CDC45: variants seen among roughly 807,000 people sequenced by gnomAD.
CDC45 encodes cell division cycle 45, also known as cell division control protein 45 homolog.
CDC45 carries 54 observed loss-of-function variants against 77.8 expected under a neutral mutation model. The observed-to-expected ratio is 0.69, with a 90% CI of 0.56 to 0.87. The LOEUF is 0.87. Ranked by LOEUF, CDC45 falls within the 40% of genes least tolerant of loss-of-function variation. The pLI, the probability that CDC45 is intolerant of heterozygous loss-of-function variation, is 0.00. For synonymous variants in CDC45, 260 were observed against 272.1 expected (o/e 0.96, Z 0.44); for missense variants, 649 against 721.6 (o/e 0.90, Z 1.15).
chr22:19,499,580 G>T (rs956493957), intron 9 of CDC45, among the ~76,000 whole-genome samples: 1 of 152,194 alleles, frequency 6.6e-6, no homozygotes, highest in African/African-American at 2.4e-5. Context: ...GACCCCAAAG[G>T]TAAGGGGAAG....
At chr22:19,490,829 C>CTT (rs1248793856) in intron 5 of CDC45, among the ~76,000 whole-genome samples, 24 of 137,290 alleles carry the variant, frequency 1.7e-4, no homozygotes, top group African/African-American at 4.5e-4. Flanking sequence ...ACCTTATCTT[C>CTT]TTTTTTTTTT....
At chr22:19,513,133 C>T (rs1038233148) in intron 13 of CDC45, among the ~76,000 whole-genome samples, 1 of 152,198 alleles carries the variant, frequency 6.6e-6, no homozygotes, top group Non-Finnish European at 1.5e-5. Flanking sequence ...CTAGACCCCA[C>T]CTCGAAGATC....
chr22:19,480,713 G>T (rs1182637517), intron 2 of CDC45, among the ~76,000 whole-genome samples: 1 of 152,138 alleles, frequency 6.6e-6, no homozygotes, highest in East Asian at 1.9e-4. Flanking sequence ...TTTTCAGAAG[G>T]CCTGGAAGTT....
Position 19,497,462 on chromosome 22 carries a change from C to T in CDC45, c.653+15C>T, listed in dbSNP as rs767674635. The T allele has an allele frequency of 9.3e-6, 15 of 1,611,226 alleles. No homozygotes were observed. The highest frequency in any genetic ancestry group is 4.0e-5 in the African/African-American group (3 of 74,870). On this transcript the variant is annotated intron_variant, in intron 8 of 18. Transcript: ENST00000263201. ...GACATGCTGTGGTACGTAGCCCCTGCGGCAGCTGTGTGGGAGTATTTGTTG... is the reference window on the plus strand; with the variant it reads ...GACATGCTGTGGTACGTAGCCCCTGTGGCAGCTGTGTGGGAGTATTTGTTG...
Position 19,499,140 on chromosome 22 carries a change from C to A in CDC45, c.693C>A (p.Asp231Glu). 2 of 1,614,198 alleles carry A rather than the reference C, an allele frequency of 1.2e-6. No individual in the cohort carries two copies. The highest frequency in any genetic ancestry group is 1.7e-6 in the Non-Finnish European group (2 of 1,180,010). The change falls in exon 9 of 19, where the codon GAC becomes GAA. Residue 231 changes from aspartate (D) to glutamate (E), a missense_variant. Coordinates refer to ENST00000263201, the MANE Select transcript of CDC45 (RefSeq NM_003504.5). Reference sequence around the variant, plus strand: ...GACTAACAGACCAGTGGGTGCAAGACAAGATCACTCAGTAAGGACACACTC... The same window carrying A: ...GACTAACAGACCAGTGGGTGCAAGAAAAGATCACTCAGTAAGGACACACTC... Reference protein sequence around the residue: ...IVGLTDQWVQDKITQMKYVTD... With the variant: ...IVGLTDQWVQEKITQMKYVTD...
intron 15 of CDC45, 137 bp from the exon 16 acceptor site, chr22:19,516,390 G>C (rs919747354): frequency 1.4e-6 from 1 of 728,698 alleles, no homozygotes; most frequent in African/African-American, 1.7e-5. Context: ...GGCTGGGTGG[G>C]GACCAAGGCG....
chr22:19,501,377 G>A (rs12159730), intron 9 of CDC45, among the ~76,000 whole-genome samples: 2,071 of 152,216 alleles, frequency 0.014, 56 homozygotes, highest in African/African-American at 0.046. Context: ...GTCAACCTTC[G>A]GTGCATAAAC....
chr22:19,480,077 G>A (rs889327940), intron 1 of CDC45, 58 bp downstream of exon 1: 61 of 1,612,490 alleles, frequency 3.8e-5, no homozygotes, highest in Non-Finnish European at 5.1e-5. Context: ...GGATGAGGGG[G>A]AGCGACCGTG....
chr22:19,509,046 TTTC>T (rs1933372656), intron 13 of CDC45, among the ~76,000 whole-genome samples: 2 of 152,254 alleles, frequency 1.3e-5, no homozygotes, highest in South Asian at 4.1e-4. Flanking sequence ...TTTCCAATTC[TTTC>T]TTATCTCACT....
chr22:19,518,628 C>T (rs1367694219), intron 17 of CDC45, among the ~76,000 whole-genome samples: 1 of 152,150 alleles, frequency 6.6e-6, no homozygotes, highest in Non-Finnish European at 1.5e-5. Context: ...GTTCTCCCTG[C>T]AGGCCCCAAC....
intron 17 of CDC45, among the ~76,000 whole-genome samples, chr22:19,517,263 G>A (rs546216011): frequency 1.3e-5 from 2 of 152,314 alleles, no homozygotes; most frequent in East Asian, 1.9e-4. Flanking sequence ...GAACAGCAGG[G>A]CCCGTGATGA....
At chr22:19,503,784 C>T (rs1484604508) in intron 9 of CDC45, among the ~76,000 whole-genome samples, 1 of 152,116 alleles carries the variant, frequency 6.6e-6, no homozygotes, top group East Asian at 1.9e-4. Context: ...GGCCTCGAGA[C>T]TTCAGAGGGA....
chr22:19,479,620 G>A (rs1244207570), upstream of CDC45: 12 of 637,098 alleles, frequency 1.9e-5, no homozygotes, highest in Non-Finnish European at 3.0e-5. Flanking sequence ...TTCCCTGAGG[G>A]TTCCCAGTGG....
rs143527063 is a variant in CDC45 at position 19,507,842 on chromosome 22, G to A, written c.1033G>A (p.Glu345Lys). The A allele has an allele frequency of 6.3e-7, 1 of 1,599,866 alleles. No homozygotes were observed. Among genetic ancestry groups the A allele is most frequent in the Non-Finnish European group, 8.5e-7 (1 of 1,175,534 alleles). The change falls in exon 12 of 19, where the codon GAA (glutamate) becomes AAA (lysine). Residue 345 changes from glutamate to lysine, a missense_variant. Glu to Lys is a moderately conservative substitution (Grantham distance 56, BLOSUM62 1). Coordinates refer to ENST00000263201, the MANE Select transcript of CDC45 (RefSeq NM_003504.5). ...SLKENLREMI[E>K]ESANKFGMKD... ...GAAGGAGAATTTGCGGGAAATGATT[G>A]AAGAGTCTGCAAATAAATTTGGGTA...
At chr22:19,490,568 G>A (rs2090139594) in intron 5 of CDC45, among the ~76,000 whole-genome samples, 1 of 151,764 alleles carries the variant, frequency 6.6e-6, no homozygotes, top group African/African-American at 2.4e-5. Context: ...TAGAGATGGG[G>A]TTTCACCTTG....
chr22:19,488,342 C>G (rs948185795), intron 5 of CDC45, among the ~76,000 whole-genome samples: 9 of 152,224 alleles, frequency 5.9e-5, no homozygotes, highest in Admixed American at 1.3e-4. Flanking sequence ...TCTGTGATAT[C>G]TGGGCCCTCA....
At chr22:19,489,043 G>C (rs1201881064) in intron 5 of CDC45, among the ~76,000 whole-genome samples, 1 of 152,060 alleles carries the variant, frequency 6.6e-6, no homozygotes, top group Non-Finnish European at 1.5e-5. Context: ...AGGTGTGGTG[G>C]TGCACACCTA....
chr22:19,497,805 G>A (rs546442319), intron 8 of CDC45, among the ~76,000 whole-genome samples: 13 of 152,186 alleles, frequency 8.5e-5, no homozygotes, highest in South Asian at 6.2e-4. Flanking sequence ...TTCTACATCC[G>A]TAATCCCAGT....
intron 11 of CDC45, 119 bp from the exon 12 acceptor site, chr22:19,507,647 C>G (rs1933273633): frequency 2.2e-6 from 3 of 1,383,016 alleles, no homozygotes; most frequent in African/African-American, 2.9e-5. Flanking sequence ...GCCCTAGATC[C>G]CAGAATATCT....
Sources: gnomAD v4.1 joint callset for allele counts (sites outside exome capture counted in the v4.1 genomes callset) on GRCh38, gnomAD v4.1.1 for gene constraint, MANE v1.5 for transcripts, NCBI Gene and HGNC (gene_info 2026-07-23, HGNC 2026-07-21) for gene names.